The following PHF2 variants were observed in gnomAD, a reference collection of about 807,000 sequenced individuals.
The protein encoded by PHF2 is PHD finger protein 2.
In PHF2, 27 loss-of-function variants were observed where a neutral mutation model predicts 120.5. The ratio of observed to expected loss-of-function variants is 0.22; its 90% CI spans 0.17 to 0.31. PHF2 has a LOEUF of 0.31. PHF2 is among the 10% of genes least tolerant of loss of function. The pLI, the probability that PHF2 is intolerant of heterozygous loss-of-function variation, is 1.00. For missense variants in PHF2, 1,024 were observed against 1,434.8 expected (o/e 0.71, Z 4.63); for synonymous variants, 568 against 592.5 (o/e 0.96, Z 0.60).
chr9:93,583,682 G>A (rs1026426377), intron 1 of PHF2, among the ~76,000 whole-genome samples: 1 of 152,054 alleles, frequency 6.6e-6, no homozygotes, highest in African/African-American at 2.4e-5. Context: ...GCTTTCACAT[G>A]CTTGTTGGCC....
Position 93,641,053 on chromosome 9 carries a change from G to A in PHF2, c.299+4528G>A, listed in dbSNP as rs558010065. ...GTATGGTGGTAGGTTTTGGGGAGGG[G>A]AAGTGTTCTATAATTTCAGGATTAA... On this transcript the variant is annotated intron_variant, in intron 3 of 21. Coordinates refer to ENST00000359246, the MANE Select transcript of PHF2 (RefSeq NM_005392.4). Among the ~76,000 whole-genome samples, 12 of 152,286 alleles carry A rather than the reference G, an allele frequency of 7.9e-5. No homozygotes were observed. In the East Asian group the frequency reaches 1.2e-3, roughly 15 times the overall value.
At chr9:93,663,332 G>A (rs1265842206) in intron 13 of PHF2, among the ~76,000 whole-genome samples, 185 bp from the exon 14 acceptor site, 1 of 152,084 alleles carries the variant, frequency 6.6e-6, no homozygotes, top group Non-Finnish European at 1.5e-5. Context: ...AGGCAACATC[G>A]AGGCACTGAG....
intron 1 of PHF2, among the ~76,000 whole-genome samples, chr9:93,584,582 T>G (rs932109266): frequency 6.6e-6 from 1 of 152,250 alleles, no homozygotes; most frequent in Non-Finnish European, 1.5e-5. Context: ...GGACTCTCAG[T>G]TCTATTCCAT....
intron 5 of PHF2, among the ~76,000 whole-genome samples, chr9:93,650,851 T>C (rs1214390568): frequency 6.6e-6 from 1 of 152,198 alleles, no homozygotes; most frequent in Non-Finnish European, 1.5e-5. Context: ...GTTTCCGTCA[T>C]GCCTACTTCC....
At position 93,639,559 on chromosome 9, in the gene PHF2, G is replaced by A. The variant is rs991387132; in HGVS notation, c.299+3034G>A. On this transcript the variant is annotated intron_variant, in intron 3 of 21. Transcript: ENST00000359246. ...TATTCCTTTCCCATCTAGGTGACCT[G>A]TATTTATTTTTCTTACCTAATTGCT... 2.0e-5 allele frequency among the ~76,000 whole-genome samples: 3 copies of A among 152,004 alleles called. No individual in the cohort carries two copies. The South Asian group carries it at 6.2e-4, about 32-fold the overall frequency.
At chr9:93,623,230 C>T (rs1825853687) in intron 1 of PHF2, among the ~76,000 whole-genome samples, 1 of 152,174 alleles carries the variant, frequency 6.6e-6, no homozygotes, top group South Asian at 2.1e-4. Context: ...GCTGCAAGAG[C>T]TCAACCAGCT....
rs141425928 is a variant in PHF2 at position 93,593,060 on chromosome 9, C to G, written c.98+16189C>G. Among the ~76,000 whole-genome samples the G allele has an allele frequency of 4.8e-3, 581 of 120,536 alleles. 2 individuals are homozygous for G. Among genetic ancestry groups the G allele is most frequent in the Middle Eastern group, 0.024 (4 of 164 alleles). The allele number at this position is 120,536 out of a possible 152,430, so 79.1% of individuals were successfully genotyped here. A position where few individuals can be genotyped will look rare whatever the true frequency, so the allele number is the denominator to read the frequency against. ...CCCATCCAGGTTTCCACATCCTAATCTTTGCTTTTCTTGTCCTTTATGCCA... is the reference window on the plus strand; with the variant it reads ...CCCATCCAGGTTTCCACATCCTAATGTTTGCTTTTCTTGTCCTTTATGCCA... On this transcript the variant is annotated intron_variant, in intron 1 of 21. Coordinates refer to ENST00000359246, the MANE Select transcript of PHF2 (RefSeq NM_005392.4).
intron 1 of PHF2, among the ~76,000 whole-genome samples, chr9:93,624,986 G>A (rs148864051): frequency 6.6e-6 from 1 of 152,274 alleles, no homozygotes; most frequent in East Asian, 1.9e-4. Context: ...AATTCACATA[G>A]CATAATATTA....
chr9:93,649,655 A>T (rs1195755866), intron 5 of PHF2, among the ~76,000 whole-genome samples: 2 of 148,468 alleles, frequency 1.3e-5, no homozygotes, highest in Admixed American at 1.4e-4. Flanking sequence ...TGGACACACC[A>T]ACACTCATGA....
chr9:93,614,112 A>T (rs920290663), intron 1 of PHF2, among the ~76,000 whole-genome samples: 1 of 152,202 alleles, frequency 6.6e-6, no homozygotes, highest in Admixed American at 6.5e-5. Context: ...CTTGCCCTCT[A>T]CCTTAGACCA....
chr9:93,603,081 GC>G (rs1825474836), intron 1 of PHF2, among the ~76,000 whole-genome samples: 1 of 152,344 alleles, frequency 6.6e-6, no homozygotes, highest in Non-Finnish European at 1.5e-5. Context: ...TCCTCTCAGG[GC>G]CCTGGGGCTT....
chr9:93,658,922 G>T (rs1186856357), intron 10 of PHF2, among the ~76,000 whole-genome samples: 2 of 152,192 alleles, frequency 1.3e-5, no homozygotes, highest in Non-Finnish European at 2.9e-5. Context: ...GTCTGGCCCA[G>T]CCTCGAGCAC....
chr9:93,664,008 G>A (rs968325568), intron 14 of PHF2, among the ~76,000 whole-genome samples: 5 of 152,228 alleles, frequency 3.3e-5, no homozygotes, highest in African/African-American at 1.2e-4. Flanking sequence ...ACATGCCTGG[G>A]TGGGACTGGG....
At chr9:93,634,449 C>A (rs1006057098) in intron 2 of PHF2, among the ~76,000 whole-genome samples, 1 of 152,186 alleles carries the variant, frequency 6.6e-6, no homozygotes, top group African/African-American at 2.4e-5. Context: ...AGCAGGGGCT[C>A]CCAAGCATCT....
chr9:93,656,445 C>T lies in PHF2; in HGVS notation c.1041-44C>T, dbSNP rs1247739388. The T allele has an allele frequency of 1.1e-5, 15 of 1,381,988 alleles. No homozygotes were observed. The highest frequency in any genetic ancestry group is 1.4e-5 in the African/African-American group (1 of 70,410). 85.6% of individuals were successfully genotyped at this position (1,381,988 alleles called of 1,614,324 possible). On this transcript the variant is annotated intron_variant, in intron 8 of 21. Transcript: ENST00000359246. The surrounding 1 kb of genome is among the most constrained non-coding windows in gnomAD (Gnocchi z 4.1). ...CTGGATTGATGCCCAGCGTCGCCTG[C>T]TTGATGGTCAGTGCACTGAGAACTG...
intron 17 of PHF2, among the ~76,000 whole-genome samples, chr9:93,668,029 TTTAGACAGA>T (rs1826714497): frequency 6.6e-6 from 1 of 152,134 alleles, no homozygotes; most frequent in African/African-American, 2.4e-5. Flanking sequence ...GAGGCCTGCT[TTTAGACAGA>T]TGGGGGGCTT....
intron 3 of PHF2, among the ~76,000 whole-genome samples, chr9:93,645,036 G>C (rs1012217979): frequency 1.3e-5 from 2 of 152,194 alleles, no homozygotes; most frequent in African/African-American, 4.8e-5. Flanking sequence ...CCCCTCTGCT[G>C]CTTCCTCTGG....
intron 1 of PHF2, among the ~76,000 whole-genome samples, chr9:93,588,982 T>C (rs758551322): frequency 5.3e-5 from 8 of 152,156 alleles, no homozygotes; most frequent in Non-Finnish European, 7.4e-5. Context: ...TATTTATGTT[T>C]AGGGAAGTCC....
intron 7 of PHF2, among the ~76,000 whole-genome samples, chr9:93,655,136 C>T (rs936563692): frequency 5.9e-5 from 9 of 152,224 alleles, no homozygotes; most frequent in African/African-American, 1.9e-4. Context: ...TCCACTATTT[C>T]TGAAGGGCTT....
Sources: allele counts gnomAD v4.1 joint callset (sites outside exome capture counted in the v4.1 genomes callset), GRCh38; gene constraint gnomAD v4.1.1; non-coding constraint Gnocchi (gnomAD v3.1); transcripts MANE v1.5; gene names NCBI Gene and HGNC (gene_info 2026-07-23, HGNC 2026-07-21).